FANCC: variants seen among roughly 807,000 people sequenced by gnomAD.
The protein encoded by FANCC is FA complementation group C.
In FANCC, 55 loss-of-function variants were observed where a neutral mutation model predicts 71.3. The observed-to-expected ratio is 0.77, with a 90% CI of 0.62 to 0.97. The LOEUF (loss-of-function observed/expected upper bound fraction) is 0.97. Ranked by LOEUF, FANCC falls within the 50% of genes least tolerant of loss-of-function variation. The pLI is 0.00. For synonymous variants in FANCC, 275 were observed against 244.9 expected (o/e 1.12, Z -1.15); for missense variants, 678 against 670.9 (o/e 1.01, Z -0.12).
intron 8 of FANCC, among the ~76,000 whole-genome samples, chr9:95,130,501 A>C (rs1240981234): frequency 6.6e-6 from 1 of 152,274 alleles, no homozygotes; most frequent in Non-Finnish European, 1.5e-5. Context: ...CGCCTTAAAA[A>C]TAAAGAAGGA....
At chr9:95,145,224 A>G (rs1829366103) in intron 7 of FANCC, 1 of 152,256 alleles carries the variant, frequency 6.6e-6, no homozygotes, top group South Asian at 2.1e-4. Flanking sequence ...TCCAAACGCA[A>G]CAAACAACAC....
intron 6 of FANCC, among the ~76,000 whole-genome samples, chr9:95,164,541 T>C (rs752532275): frequency 3.9e-5 from 6 of 152,214 alleles, no homozygotes; most frequent in African/African-American, 4.8e-5. Flanking sequence ...ATATGCCATT[T>C]CTGCATTAAG....
chr9:95,226,156 G>A (rs1829599135), intron 4 of FANCC, among the ~76,000 whole-genome samples: 1 of 152,150 alleles, frequency 6.6e-6, no homozygotes, highest in Non-Finnish European at 1.5e-5. Flanking sequence ...GCATTTTGTG[G>A]ATTTACTAAA....
At chr9:95,145,888 C>T (rs1210069829) in intron 7 of FANCC, among the ~76,000 whole-genome samples, 1 of 151,436 alleles carries the variant, frequency 6.6e-6, no homozygotes, top group Non-Finnish European at 1.5e-5. Context: ...AATTTCAAAA[C>T]AAAAAACAAA....
In FANCC at chr9:95,301,476, G is replaced by A. The variant is rs1407611705; in HGVS notation, c.-79+16050C>T. Among the ~76,000 whole-genome samples, 5 of 152,076 alleles carry A rather than the reference G, an allele frequency of 3.3e-5. 1 individual carries two copies. In the East Asian group the frequency reaches 9.7e-4, roughly 30 times the overall value. On this transcript the variant is annotated intron_variant, in intron 1 of 14. Transcript: ENST00000289081. ...AAGGTCTTGTTCTGTCGCCCAGGCT[G>A]GAGTGCAGTGGCATGACTGATTTAG...
chr9:95,166,975 G>A (rs1787979919), intron 6 of FANCC, among the ~76,000 whole-genome samples: 1 of 152,044 alleles, frequency 6.6e-6, no homozygotes, highest in African/African-American at 2.4e-5. Flanking sequence ...AGCAATTCTT[G>A]TAAGGCAGGT....
intron 7 of FANCC, among the ~76,000 whole-genome samples, chr9:95,141,107 C>T (rs1365668526): frequency 6.6e-6 from 1 of 151,642 alleles, no homozygotes; most frequent in East Asian, 1.9e-4. Context: ...TCCAGGAGTT[C>T]AAGACCAGCC....
chr9:95,194,293 C>T (rs1827283073), intron 4 of FANCC, among the ~76,000 whole-genome samples: 1 of 152,130 alleles, frequency 6.6e-6, no homozygotes, highest in Non-Finnish European at 1.5e-5. Flanking sequence ...TAAAATGTCT[C>T]ATTTTTAATG....
chr9:95,307,559 T>A (rs945717307), intron 1 of FANCC, among the ~76,000 whole-genome samples: 1 of 152,242 alleles, frequency 6.6e-6, no homozygotes, highest in Non-Finnish European at 1.5e-5. Flanking sequence ...TTTTTCTAAG[T>A]GTTAGTTTAA....
At chr9:95,265,453 C>A (rs967916330) in intron 1 of FANCC, among the ~76,000 whole-genome samples, 3 of 152,170 alleles carry the variant, frequency 2.0e-5, no homozygotes, top group African/African-American at 7.2e-5. Context: ...ATCGAGGCTG[C>A]TAAGACAGAA....
At chr9:95,111,255 C>G (rs368191872) in intron 13 of FANCC, 6 of 1,542,592 alleles carry the variant, frequency 3.9e-6, no homozygotes, top group African/African-American at 1.4e-5. Context: ...GGCAGCGTCT[C>G]GTCTCTGGCC....
At chr9:95,270,532 T>C (rs1387107825) in intron 1 of FANCC, among the ~76,000 whole-genome samples, 1 of 152,262 alleles carries the variant, frequency 6.6e-6, no homozygotes, top group Non-Finnish European at 1.5e-5. Context: ...CTCTAGTGCA[T>C]AAACTGCTGT....
chr9:95,268,717 T>A (rs1468628804), intron 1 of FANCC, among the ~76,000 whole-genome samples: 1 of 151,950 alleles, frequency 6.6e-6, no homozygotes, highest in East Asian at 1.9e-4. Flanking sequence ...TTAGAAAACC[T>A]CTCATTTAGG....
intron 3 of FANCC, among the ~76,000 whole-genome samples, chr9:95,241,834 A>AT (rs1830653464): frequency 1.3e-5 from 2 of 151,820 alleles, no homozygotes; most frequent in Admixed American, 1.3e-4. Flanking sequence ...TAATTTTTGT[A>AT]TTTTTTGTAG....
intron 4 of FANCC, among the ~76,000 whole-genome samples, chr9:95,228,434 C>T (rs923725288): frequency 1.3e-5 from 2 of 152,218 alleles, no homozygotes; most frequent in Admixed American, 1.3e-4. Flanking sequence ...CTCTCCTCTC[C>T]ATGTGGAAGT....
chr9:95,210,228 G>C (rs1247978352), intron 4 of FANCC, among the ~76,000 whole-genome samples: 2 of 152,086 alleles, frequency 1.3e-5, no homozygotes. Flanking sequence ...ATTCAAGATA[G>C]GAAGAGAGAA....
chr9:95,251,984 A>G (rs1288607111), intron 1 of FANCC, among the ~76,000 whole-genome samples: 1 of 152,184 alleles, frequency 6.6e-6, no homozygotes, highest in African/African-American at 2.4e-5. Flanking sequence ...CCTTAAAGAA[A>G]CAAACTGAAG....
intron 1 of FANCC, among the ~76,000 whole-genome samples, chr9:95,314,293 A>G (rs1253450548): frequency 6.6e-6 from 1 of 152,256 alleles, no homozygotes; most frequent in Non-Finnish European, 1.5e-5. Context: ...TCCATAATGA[A>G]ATTTTAAAAA....
intron 4 of FANCC, among the ~76,000 whole-genome samples, chr9:95,175,032 C>A (rs1825924468): frequency 6.6e-6 from 1 of 152,172 alleles, no homozygotes; most frequent in Non-Finnish European, 1.5e-5. Context: ...CTCTGCCCTT[C>A]CCCATCATGA....
Sources: gnomAD v4.1 joint callset for allele counts (sites outside exome capture counted in the v4.1 genomes callset) on GRCh38, gnomAD v4.1.1 for gene constraint, MANE v1.5 for transcripts, NCBI Gene and HGNC (gene_info 2026-07-23, HGNC 2026-07-21) for gene names.